The following RAPH1 variants were observed in gnomAD, a reference collection of about 807,000 sequenced individuals.
RAPH1 encodes the protein Ras association (RalGDS/AF-6) and pleckstrin homology domains 1.
In RAPH1, 18 loss-of-function variants were observed where a neutral mutation model predicts 88.1. The ratio of observed to expected loss-of-function variants is 0.20; its 90% CI spans 0.14 to 0.30. The LOEUF (loss-of-function observed/expected upper bound fraction) is 0.30, where lower values mean the gene tolerates loss of function less well. Ranked by LOEUF, RAPH1 falls within the 10% of genes least tolerant of loss-of-function variation. The pLI is 1.00. For synonymous variants in RAPH1, 587 were observed against 559.0 expected (o/e 1.05, Z -0.71); for missense variants, 1,448 against 1,543.2 (o/e 0.94, Z 1.03).
chr2:203,509,558 A>G (rs929108043), intron 1 of RAPH1, among the ~76,000 whole-genome samples: 1 of 152,226 alleles, frequency 6.6e-6, no homozygotes, highest in African/African-American at 2.4e-5. Flanking sequence ...TCAGAACAAA[A>G]GGAGTAAAAC....
intron 12 of RAPH1, chr2:203,445,417 G>C: frequency 6.2e-6 from 1 of 161,196 alleles, no homozygotes. Flanking sequence ...GGTCACGCCA[G>C]AATTGTAACT....
At chr2:203,520,513 G>A (rs1297373185) in intron 1 of RAPH1, among the ~76,000 whole-genome samples, 1 of 151,962 alleles carries the variant, frequency 6.6e-6, no homozygotes, top group Non-Finnish European at 1.5e-5. Flanking sequence ...TGTAGTTCGA[G>A]CTACTCAGGA....
In RAPH1 at chr2:203,524,000, T is replaced by C. The variant is rs559679305; in HGVS notation, c.-1+11111A>G. Among the ~76,000 whole-genome samples, 67 of 152,138 alleles carry C rather than the reference T, an allele frequency of 4.4e-4. No homozygotes were observed. The Middle Eastern group carries it at 0.01, about 23-fold the overall frequency. ...GCCTGGGCAACAGAGCGAGACTCTG[T>C]CTCAAAAGTAAAAAATAAAAAAGAC... On this transcript the variant is annotated intron_variant, in intron 1 of 13. Transcript: ENST00000319170.
intron 1 of RAPH1, among the ~76,000 whole-genome samples, chr2:203,526,976 G>A (rs903584917): frequency 2.6e-5 from 4 of 151,918 alleles, no homozygotes; most frequent in Non-Finnish European, 4.4e-5. Flanking sequence ...TAGAGACAGG[G>A]TTTTGCCACA....
At chr2:203,532,909 T>C (rs1300853338) in intron 1 of RAPH1, among the ~76,000 whole-genome samples, 1 of 152,194 alleles carries the variant, frequency 6.6e-6, no homozygotes, top group East Asian at 1.9e-4. Context: ...ACAATACTAA[T>C]GTTGACATTC....
chr2:203,456,623 A>G (rs1007292966), intron 8 of RAPH1, among the ~76,000 whole-genome samples: 1 of 152,276 alleles, frequency 6.6e-6, no homozygotes, highest in East Asian at 1.9e-4. Flanking sequence ...TTTTCTCCTC[A>G]AAGTACAGAA....
chr2:203,524,143 G>A (rs927634415), intron 1 of RAPH1, among the ~76,000 whole-genome samples: 5 of 151,882 alleles, frequency 3.3e-5, no homozygotes. Flanking sequence ...TTTTTAAATG[G>A]GCAAAGACTT....
chr2:203,437,146 C>A lies in RAPH1; in HGVS notation c.*2291G>T, dbSNP rs985003754. The A allele has an allele frequency of 6.6e-6, 1 of 152,150 alleles. No individual in the cohort carries two copies. The highest frequency in any genetic ancestry group is 2.4e-5 in the African/African-American group (1 of 41,428). 9.4% of individuals were successfully genotyped at this position (152,150 alleles called of 1,614,324 possible). A position where few individuals can be genotyped will look rare whatever the true frequency, so the allele number is the denominator to read the frequency against. ...AGGATGGCTATCATCAGGATTGATACAAGCAAGAAATTCCAAGAAATCCTG... is the reference window on the plus strand; with the variant it reads ...AGGATGGCTATCATCAGGATTGATAAAAGCAAGAAATTCCAAGAAATCCTG... On this transcript the variant is annotated 3_prime_UTR_variant, in exon 14 of 14. Coordinates refer to ENST00000319170, the MANE Select transcript of RAPH1 (RefSeq NM_213589.3).
intron 1 of RAPH1, among the ~76,000 whole-genome samples, chr2:203,512,976 A>G (rs530882447): frequency 1.4e-4 from 22 of 152,266 alleles, no homozygotes; most frequent in Admixed American, 1.2e-3. Flanking sequence ...TCAAATAGGT[A>G]AATCTTTCAT....
At chr2:203,519,038 C>T (rs1689748024) in intron 1 of RAPH1, among the ~76,000 whole-genome samples, 1 of 152,008 alleles carries the variant, frequency 6.6e-6, no homozygotes, top group Non-Finnish European at 1.5e-5. Flanking sequence ...AGCACAAGGC[C>T]CAGATGGGTT....
intron 1 of RAPH1, among the ~76,000 whole-genome samples, chr2:203,528,102 A>G (rs538359494): frequency 1.3e-5 from 2 of 152,324 alleles, no homozygotes; most frequent in South Asian, 2.1e-4. Flanking sequence ...AAAAGAGTAG[A>G]GTTCTAAATT....
At chr2:203,466,729 G>A (rs759388474) in intron 4 of RAPH1, among the ~76,000 whole-genome samples, 5 of 152,132 alleles carry the variant, frequency 3.3e-5, no homozygotes, top group Non-Finnish European at 4.4e-5. Context: ...TCTTAAAAGA[G>A]CAAGAGACAA....
chr2:203,479,973 G>A (rs1276371426), intron 4 of RAPH1, among the ~76,000 whole-genome samples: 1 of 150,928 alleles, frequency 6.6e-6, no homozygotes, highest in Non-Finnish European at 1.5e-5. Flanking sequence ...AAAATGTCCA[G>A]TGAGTCTCCC....
intron 1 of RAPH1, among the ~76,000 whole-genome samples, chr2:203,529,906 C>A (rs1581420521): frequency 6.6e-6 from 1 of 152,268 alleles, no homozygotes; most frequent in East Asian, 1.9e-4. Context: ...CTCAAAGACC[C>A]TTCTGCTTCT....
At chr2:203,452,388 T>C (rs1213498480) in intron 10 of RAPH1, among the ~76,000 whole-genome samples, 2 of 152,218 alleles carry the variant, frequency 1.3e-5, no homozygotes, top group Non-Finnish European at 2.9e-5. Flanking sequence ...CGAAAATATC[T>C]TTCTCCTCAG....
At position 203,461,939 on chromosome 2, in the gene RAPH1, G is replaced by T; in HGVS notation, c.733-14C>A. On this transcript the variant is annotated splice_polypyrimidine_tract_variant and intron_variant, in intron 4 of 13. Transcript: ENST00000319170. Reference sequence around the variant, plus strand: ...TGCCTGTTCTTCCTGTGAACACAAAGCATTTCAGATAAACAATGCTAAGAT... The same window carrying T: ...TGCCTGTTCTTCCTGTGAACACAAATCATTTCAGATAAACAATGCTAAGAT... 6.3e-7 allele frequency: 1 copy of T among 1,599,152 alleles called. No individual in the cohort carries two copies. Among genetic ancestry groups the T allele is most frequent in the Non-Finnish European group, 8.5e-7 (1 of 1,171,528 alleles).
chr2:203,451,045 A>G (rs898390679), intron 10 of RAPH1, among the ~76,000 whole-genome samples: 2 of 152,168 alleles, frequency 1.3e-5, no homozygotes, highest in Non-Finnish European at 2.9e-5. Context: ...TAAGTCAAGT[A>G]TCAGATTACT....
rs551976793 is a variant in RAPH1 at position 203,515,832 on chromosome 2, A to T, written c.-1+19279T>A. Among the ~76,000 whole-genome samples the T allele has an allele frequency of 6.6e-5, 10 of 152,360 alleles. No individual in the cohort carries two copies. In the South Asian group the frequency reaches 2.1e-3, roughly 32 times the overall value. ...ACTTTCTCAGACAAACAATAGTTGGAGGAATTTGTTGCCAGTAGAAGTGCT... is the reference window on the plus strand; with the variant it reads ...ACTTTCTCAGACAAACAATAGTTGGTGGAATTTGTTGCCAGTAGAAGTGCT... On this transcript the variant is annotated intron_variant, in intron 1 of 13. Transcript: ENST00000319170.
intron 4 of RAPH1, chr2:203,477,200 G>C (rs762615181): frequency 4.9e-6 from 7 of 1,442,542 alleles, no homozygotes; most frequent in Non-Finnish European, 6.8e-6. Context: ...TAAAGGAGGT[G>C]AAACGGGCAG....
Sources: allele counts gnomAD v4.1 joint callset (sites outside exome capture counted in the v4.1 genomes callset), GRCh38; gene constraint gnomAD v4.1.1; transcripts MANE v1.5; gene names NCBI Gene and HGNC (gene_info 2026-07-23, HGNC 2026-07-21).